TMEM266: variants seen among roughly 807,000 people sequenced by gnomAD.
TMEM266 encodes the protein Hv1 related protein 1.
Under a neutral mutation model 50.5 loss-of-function variants are expected in TMEM266, and 33 were observed. That is an observed-to-expected ratio of 0.65 (90% CI 0.50 to 0.87). The LOEUF is 0.87. Ranked by LOEUF, TMEM266 falls within the 40% of genes least tolerant of loss-of-function variation. TMEM266 has a pLI of 0.00. For missense variants in TMEM266, 655 were observed against 695.1 expected (o/e 0.94, Z 0.65); for synonymous variants, 310 against 292.3 (o/e 1.06, Z -0.62).
rs542868398 is a variant in TMEM266 at position 76,203,780 on chromosome 15, C to T, written c.1061C>T (p.Thr354Met). 98 of 1,614,036 alleles carry T rather than the reference C, an allele frequency of 6.1e-5. No homozygotes were observed. Among genetic ancestry groups the T allele is most frequent in the African/African-American group, 8.0e-5 (6 of 74,938 alleles). The change falls in exon 11 of 11, where the codon ACG becomes ATG. Residue 354 changes from threonine (T) to methionine (M), a missense_variant. Around this residue, in one of 3 missense-constraint regions of TMEM266, gnomAD observed 455 missense variants for 401.8 expected, o/e 1.13. Coordinates refer to ENST00000388942, the MANE Select transcript of TMEM266 (RefSeq NM_152335.3). Reference sequence around the variant, plus strand: ...GAGCCAGCTGTGTGTATGGTCACCACGGCCGCAATAGACATTCACCAGCCC... The same window carrying T: ...GAGCCAGCTGTGTGTATGGTCACCATGGCCGCAATAGACATTCACCAGCCC...
intron 9 of TMEM266, among the ~76,000 whole-genome samples, chr15:76,198,022 A>G (rs1420832587): frequency 6.6e-6 from 1 of 152,250 alleles, no homozygotes; most frequent in African/African-American, 2.4e-5. Flanking sequence ...GCCAGGCAGC[A>G]GAGAGCAGCT....
Position 76,074,532 on chromosome 15 carries a change from TGTC to T in TMEM266, c.-97+14520_-97+14522del, listed in dbSNP as rs767192803. On this transcript the variant is annotated intron_variant, in intron 1 of 10. Transcript: ENST00000388942. ...TTATAATATGTTTTAATGTATTATA[TGTC>T]GTCTTTGCTGTGGACATCAAAGAGG... is the stretch of plus-strand genomic sequence containing the variant. Among the ~76,000 whole-genome samples, 103 of 152,264 alleles carry T rather than the reference TGTC, an allele frequency of 6.8e-4. 1 individual carries two copies. Among genetic ancestry groups the T allele is most frequent in the South Asian group, 1.7e-3 (8 of 4,820 alleles).
chr15:76,171,318 G>T (rs1163627824), intron 7 of TMEM266, among the ~76,000 whole-genome samples, 187 bp downstream of exon 7: 1 of 152,222 alleles, frequency 6.6e-6, no homozygotes, highest in Non-Finnish European at 1.5e-5. Context: ...CACTGCCAGG[G>T]TGTCACACGT....
intron 1 of TMEM266, among the ~76,000 whole-genome samples, chr15:76,073,991 G>A (rs2036572336): frequency 6.6e-6 from 1 of 151,152 alleles, no homozygotes; most frequent in African/African-American, 2.5e-5. Flanking sequence ...TTCAGATTTT[G>A]TTTGTAGTCG....
At chr15:76,144,644 A>C (rs1423586166) in intron 3 of TMEM266, among the ~76,000 whole-genome samples, 2 of 152,170 alleles carry the variant, frequency 1.3e-5, no homozygotes, top group African/African-American at 4.8e-5. Context: ...CCAGGTCACC[A>C]GTTCAACCCA....
Position 76,199,269 on chromosome 15 carries a change from G to T in TMEM266, c.959-2933G>T, listed in dbSNP as rs866681785. Among the ~76,000 whole-genome samples the T allele has an allele frequency of 2.0e-5, 3 of 152,342 alleles. 1 individual carries two copies. Among genetic ancestry groups the T allele is most frequent in the Middle Eastern group, 6.8e-3 (2 of 294 alleles). On this transcript the variant is annotated intron_variant, in intron 9 of 10. Transcript: ENST00000388942. Reference sequence around the variant, plus strand: ...TCAGAGGTAGCTGGAGGCCAGCCAGGAGTTGTCCGGGGACGGTCGGCCAGA... The same window carrying T: ...TCAGAGGTAGCTGGAGGCCAGCCAGTAGTTGTCCGGGGACGGTCGGCCAGA...
At chr15:76,086,183 T>A (rs947777476) in intron 1 of TMEM266, among the ~76,000 whole-genome samples, 1 of 152,176 alleles carries the variant, frequency 6.6e-6, no homozygotes, top group Non-Finnish European at 1.5e-5. Flanking sequence ...TGGATACTAC[T>A]CAGCAGCATA....
chr15:76,090,737 A>G (rs1282839537), intron 1 of TMEM266, among the ~76,000 whole-genome samples: 1 of 152,104 alleles, frequency 6.6e-6, no homozygotes, highest in African/African-American at 2.4e-5. Flanking sequence ...AGAGATTAGA[A>G]TTGTGACTAT....
chr15:76,111,571 C>G (rs1243097625), intron 1 of TMEM266, among the ~76,000 whole-genome samples: 2 of 152,106 alleles, frequency 1.3e-5, no homozygotes, highest in Admixed American at 6.5e-5. Flanking sequence ...CCATGCCCAG[C>G]TGATTTTTGT....
chr15:76,137,583 C>A, intron 2 of TMEM266, 124 bp from the exon 3 acceptor site: 1 of 973,634 alleles, frequency 1.0e-6, no homozygotes, highest in Non-Finnish European at 1.6e-6. Flanking sequence ...GGAAGAGGGG[C>A]AACCTTAAGC....
chr15:76,130,234 AAAAAAAAAAAAAAAAAAAAAC>A lies in TMEM266; in HGVS notation c.-96-3933_-96-3913del, dbSNP rs1158588237. On this transcript the variant is annotated intron_variant, in intron 1 of 10. Transcript: ENST00000388942. ...AGACCCTGTCAAAAAAAAAAAAAAA[AAAAAAAAAAAAAAAAAAAAAC>A]CGCCGGGTGCAGTGTCTCATGCCTG... Among the ~76,000 whole-genome samples the A allele has an allele frequency of 3.5e-3, 461 of 130,588 alleles. 8 individuals carry two copies. The highest frequency in any genetic ancestry group is 5.1e-3 in the Non-Finnish European group (321 of 62,428). The allele number at this position is 130,588 out of a possible 152,430, so 85.7% of individuals were successfully genotyped here.
intron 8 of TMEM266, among the ~76,000 whole-genome samples, chr15:76,188,971 G>T (rs1207127675): frequency 6.6e-6 from 1 of 152,172 alleles, no homozygotes; most frequent in African/African-American, 2.4e-5. Flanking sequence ...CTTGAGTCCA[G>T]AAGTTTGAGA....
intron 6 of TMEM266, 82 bp downstream of exon 6, chr15:76,169,954 T>A (rs1467569171): frequency 1.6e-5 from 23 of 1,466,790 alleles, no homozygotes; most frequent in Non-Finnish European, 2.1e-5. Flanking sequence ...CATTCCAGGG[T>A]GGACACCATC....
chr15:76,109,153 A>T (rs940532059), intron 1 of TMEM266: 1 of 152,222 alleles, frequency 6.6e-6, no homozygotes, highest in African/African-American at 2.4e-5. Flanking sequence ...AACCAGAAAG[A>T]CCTCAGCAGG....
chr15:76,064,880 T>C (rs529552783), intron 1 of TMEM266, among the ~76,000 whole-genome samples: 31 of 152,362 alleles, frequency 2.0e-4, no homozygotes, highest in African/African-American at 7.5e-4. Context: ...AAAACAGGTC[T>C]GAAGCAAGTT....
intron 5 of TMEM266, among the ~76,000 whole-genome samples, chr15:76,166,052 T>G (rs1179104955): frequency 6.6e-6 from 1 of 152,172 alleles, no homozygotes; most frequent in Non-Finnish European, 1.5e-5. Flanking sequence ...CGATGCTGCT[T>G]AAGCGGGGAG....
chr15:76,183,691 C>A (rs1297480994), intron 8 of TMEM266, among the ~76,000 whole-genome samples: 2 of 152,214 alleles, frequency 1.3e-5, no homozygotes, highest in African/African-American at 2.4e-5. Context: ...CCTACCCTTT[C>A]CCCGGTTCCA....
At position 76,204,295 on chromosome 15, in the gene TMEM266, C is replaced by G; in HGVS notation, c.1576C>G (p.His526Asp). ...TTTGGAATCCAAAGAGCAAAAGCTG[C>G]ACAGGGTCCCTGAGGCCTAGAGCCT... Residue 526 changes from histidine (H) to aspartate (D), a missense_variant, in exon 11 of 11, where the codon CAC (histidine) becomes GAC (aspartate). Physicochemically the swap from His to Asp is moderately conservative, Grantham distance 81. Transcript: ENST00000388942. 6.2e-7 allele frequency: 1 copy of G among 1,609,928 alleles called. No individual in the cohort carries two copies. The highest frequency in any genetic ancestry group is 8.5e-7 in the Non-Finnish European group (1 of 1,177,060).
At chr15:76,135,584 G>T (rs2037575981) in intron 2 of TMEM266, among the ~76,000 whole-genome samples, 1 of 152,136 alleles carries the variant, frequency 6.6e-6, no homozygotes, top group Admixed American at 6.5e-5. Flanking sequence ...CTGCTTTTTG[G>T]GAACCATCTG....
Sources: allele counts gnomAD v4.1 joint callset (sites outside exome capture counted in the v4.1 genomes callset), GRCh38; gene constraint gnomAD v4.1.1; regional missense constraint gnomAD v4.1.1; transcripts MANE v1.5; gene names NCBI Gene and HGNC (gene_info 2026-07-23, HGNC 2026-07-21).